The following BRINP3 variants were observed in gnomAD, a reference collection of about 807,000 sequenced individuals.
BRINP3 encodes the protein BMP/retinoic acid-inducible neural-specific protein 3.
Under a neutral mutation model 71.0 loss-of-function variants are expected in BRINP3, and 19 were observed. The observed-to-expected ratio is 0.27, with a 90% CI of 0.19 to 0.39. The LOEUF (loss-of-function observed/expected upper bound fraction) is 0.39, where lower values mean the gene tolerates loss of function less well. Ranked by LOEUF, BRINP3 falls within the 10% of genes least tolerant of loss-of-function variation. The probability of loss-of-function intolerance (pLI) is 1.00; values close to 1 mark genes in which losing one functional copy is unlikely to be tolerated. For missense variants in BRINP3, 959 were observed against 940.8 expected (o/e 1.02, Z -0.25); for synonymous variants, 380 against 337.7 (o/e 1.13, Z -1.37).
intron 7 of BRINP3, among the ~76,000 whole-genome samples, chr1:190,159,025 C>A (rs1222941260): frequency 6.6e-6 from 1 of 151,570 alleles, no homozygotes; most frequent in Non-Finnish European, 1.5e-5. Flanking sequence ...TGCCCACTTT[C>A]AAAAAAATAT....
intron 7 of BRINP3, among the ~76,000 whole-genome samples, chr1:190,145,255 T>G (rs2102402887): frequency 6.6e-6 from 1 of 152,268 alleles, no homozygotes; most frequent in Non-Finnish European, 1.5e-5. Context: ...TAAAAAATGG[T>G]TACAAGTTCT....
chr1:190,337,604 A>G (rs12145281), intron 2 of BRINP3, among the ~76,000 whole-genome samples: 86,043 of 151,688 alleles, frequency 0.57, 24,601 homozygotes, highest in Admixed American at 0.69. Flanking sequence ...TGGACTCTTA[A>G]ACCTACACCA....
intron 2 of BRINP3, chr1:190,302,819 T>A (rs1034204392): frequency 6.6e-6 from 1 of 151,870 alleles, no homozygotes; most frequent in Non-Finnish European, 1.5e-5. Context: ...TTAAATAGAA[T>A]GCGAATATTT....
chr1:190,273,976 C>T (rs1269528625), intron 3 of BRINP3, among the ~76,000 whole-genome samples: 1 of 151,508 alleles, frequency 6.6e-6, no homozygotes, highest in Non-Finnish European at 1.5e-5. Context: ...GTTCATGATG[C>T]ATTATATTTA....
intron 6 of BRINP3, among the ~76,000 whole-genome samples, chr1:190,170,029 A>T (rs962929284): frequency 1.3e-5 from 2 of 152,310 alleles, no homozygotes; most frequent in African/African-American, 4.8e-5. Context: ...GTCTGAAAAA[A>T]GTAAGGCTCC....
intron 4 of BRINP3, among the ~76,000 whole-genome samples, chr1:190,246,439 C>T (rs1659618999): frequency 6.6e-6 from 1 of 151,842 alleles, no homozygotes; most frequent in South Asian, 2.1e-4. Context: ...TTTTGGGTCT[C>T]TAGAAGTTGT....
chr1:190,348,438 C>G (rs1487962431), intron 2 of BRINP3, among the ~76,000 whole-genome samples: 2 of 152,104 alleles, frequency 1.3e-5, no homozygotes, highest in African/African-American at 4.8e-5. Context: ...TAATTCAGGT[C>G]TGTGGTCAGA....
At chr1:190,361,060 G>T (rs1669114519) in intron 2 of BRINP3, among the ~76,000 whole-genome samples, 1 of 151,864 alleles carries the variant, frequency 6.6e-6, no homozygotes, top group African/African-American at 2.4e-5. Context: ...AGTCGGGGTG[G>T]GGAGGTGGTT....
At position 190,274,287 on chromosome 1, in the gene BRINP3, T is replaced by G. The variant is rs1204456932; in HGVS notation, c.427+7273A>C. On this transcript the variant is annotated intron_variant, in intron 3 of 7. Coordinates refer to ENST00000367462, the MANE Select transcript of BRINP3 (RefSeq NM_199051.3). ...TACCATGAGGCTGACTCTTATGAGT[T>G]GGATGTATTTTATTTTATTTCGCGA... 2.2e-4 allele frequency among the ~76,000 whole-genome samples: 33 copies of G among 151,506 alleles called. 1 individual carries two copies. The highest frequency in any genetic ancestry group is 3.0e-5 in the Non-Finnish European group (2 of 67,654).
chr1:190,398,741 G>A (rs1400688570), intron 2 of BRINP3, among the ~76,000 whole-genome samples: 2 of 151,938 alleles, frequency 1.3e-5, no homozygotes, highest in African/African-American at 4.8e-5. Flanking sequence ...TAATTCCTAA[G>A]AGGTAGGTAT....
At chr1:190,281,883 G>T in intron 2 of BRINP3, 133 bp from the exon 3 acceptor site, 1 of 701,042 alleles carries the variant, frequency 1.4e-6, no homozygotes, top group Non-Finnish European at 2.2e-6. Context: ...GCTATGAGTA[G>T]GAGAAGCAAT....
chr1:190,466,118 G>C (rs1782557), intron 1 of BRINP3, among the ~76,000 whole-genome samples: 146,093 of 151,376 alleles, frequency 0.97, 70,685 homozygotes, highest in East Asian at 1. Context: ...TGGATAGTGT[G>C]CTCAATTTCA....
At chr1:190,398,931 C>A (rs898605317) in intron 2 of BRINP3, among the ~76,000 whole-genome samples, 5 of 151,898 alleles carry the variant, frequency 3.3e-5, no homozygotes, top group Admixed American at 2.6e-4. Context: ...CCAGTACCTC[C>A]CCTGAGATAC....
chr1:190,203,758 TA>T (rs1184750391), intron 6 of BRINP3, among the ~76,000 whole-genome samples: 1 of 818 alleles, frequency 1.2e-3, no homozygotes, highest in East Asian at 0.1. Context: ...AAAATATATA[TA>T]TATATATATA....
chr1:190,412,991 C>T (rs923244543), intron 2 of BRINP3, among the ~76,000 whole-genome samples: 2 of 152,054 alleles, frequency 1.3e-5, no homozygotes, highest in African/African-American at 4.8e-5. Context: ...AAATATTTTG[C>T]TTCATCACAT....
At chr1:190,291,653 A>G (rs944015277) in intron 2 of BRINP3, among the ~76,000 whole-genome samples, 20 of 152,160 alleles carry the variant, frequency 1.3e-4, no homozygotes, top group Admixed American at 2.0e-4. Flanking sequence ...GACAAAAGTT[A>G]ACAAACTTTG....
intron 6 of BRINP3, among the ~76,000 whole-genome samples, chr1:190,193,971 C>T (rs1654266071): frequency 6.6e-6 from 1 of 152,084 alleles, no homozygotes; most frequent in African/African-American, 2.4e-5. Flanking sequence ...TCCACTAACT[C>T]ACCCCACCTT....
At chr1:190,446,900 G>A (rs1351545240) in intron 2 of BRINP3, among the ~76,000 whole-genome samples, 2 of 151,982 alleles carry the variant, frequency 1.3e-5, no homozygotes, top group African/African-American at 2.4e-5. Flanking sequence ...CAGTGCCTTT[G>A]ATGGGTGAAC....
intron 2 of BRINP3, among the ~76,000 whole-genome samples, chr1:190,356,989 T>G (rs902948785): frequency 6.6e-6 from 1 of 151,052 alleles, no homozygotes; most frequent in Non-Finnish European, 1.5e-5. Flanking sequence ...AGGGACAGAG[T>G]GACAAATGCT....
Sources: allele counts gnomAD v4.1 joint callset (sites outside exome capture counted in the v4.1 genomes callset), GRCh38; gene constraint gnomAD v4.1.1; transcripts MANE v1.5; gene names NCBI Gene and HGNC (gene_info 2026-07-23, HGNC 2026-07-21).